SYTL2: variants seen among roughly 807,000 people sequenced by gnomAD.
SYTL2 encodes synaptotagmin-like protein 2.
A neutral mutation model predicts 198.7 loss-of-function variants in SYTL2; 165 were observed. The ratio of observed to expected loss-of-function variants is 0.83; its 90% CI spans 0.73 to 0.94. SYTL2 has a LOEUF of 0.94. Ranked by LOEUF, SYTL2 falls within the 40% of genes least tolerant of loss-of-function variation. The pLI, the probability that SYTL2 is intolerant of heterozygous loss-of-function variation, is 0.00. For missense variants in SYTL2, 2,835 were observed against 2,582.8 expected, an observed-to-expected ratio of 1.10 and a Z score of -2.12; for synonymous variants, 966 against 917.7, an observed-to-expected ratio of 1.05 and a Z score of -0.95.
At chr11:85,736,087 G>C (rs112503418) in intron 6 of SYTL2, among the ~76,000 whole-genome samples, 3 of 152,372 alleles carry the variant, frequency 2.0e-5, no homozygotes, top group African/African-American at 7.2e-5. Context: ...CGGCTGGGCT[G>C]AGAATTACAG....
rs1027567562 is a variant in SYTL2 at position 85,734,186 on chromosome 11, G to A, written c.1143C>T (p.Asp381=). Residue 381 remains aspartate, a synonymous_variant, in exon 7 of 20, where the codon GAC becomes GAT. Coordinates refer to ENST00000359152, the MANE Select transcript of SYTL2 (RefSeq NM_206927.4). ...DAGDTEEFQS[D]PKPSQYRKPS... is the part of the protein sequence containing the mutation. ...GCTTTCTGTATTGAGAAGGCTTAGGGTCACTCTGAAACTCTTCTGTGTCCC... is the reference window on the plus strand; with the variant it reads ...GCTTTCTGTATTGAGAAGGCTTAGGATCACTCTGAAACTCTTCTGTGTCCC... 4 of 1,614,152 alleles carry A rather than the reference G, an allele frequency of 2.5e-6. No individual in the cohort carries two copies. The highest frequency in any genetic ancestry group is 3.4e-6 in the Non-Finnish European group (4 of 1,180,000).
intron 1 of SYTL2, among the ~76,000 whole-genome samples, chr11:85,810,495 G>A (rs2093017378): frequency 6.6e-6 from 1 of 152,132 alleles, no homozygotes. Context: ...TCCAAAACAC[G>A]TCTTATTTTC....
At chr11:85,794,852 T>C (rs1241711816) in intron 1 of SYTL2, among the ~76,000 whole-genome samples, 2 of 151,992 alleles carry the variant, frequency 1.3e-5, no homozygotes, top group Non-Finnish European at 2.9e-5. Context: ...CAGGAATTCA[T>C]GGAAAGTAGA....
rs2089244321 is a variant in SYTL2, at chr11:85,726,774, C to T, written c.2584G>A (p.Asp862Asn). 1 of 1,536,162 alleles carries T rather than the reference C, an allele frequency of 6.5e-7. No individual in the cohort carries two copies. The highest frequency in any genetic ancestry group is 1.2e-5 in the South Asian group (1 of 84,064). Residue 862 changes from aspartate to asparagine, a missense_variant, in exon 8 of 20, where the codon GAT becomes AAT. Physicochemically the swap from Asp to Asn is conservative, Grantham distance 23. Around this residue, in one of 3 missense-constraint regions of SYTL2, gnomAD observed 2,645 missense variants for 2,381.7 expected, o/e 1.11. Transcript: ENST00000359152. ...AIPKRVVLDE[D>N]DQASQLSNSY... ...TTGGAGAGCTGGGATGCTTGATCATCCTCATCTAAGACCACTCGTTTGGGA... is the reference window on the plus strand; with the variant it reads ...TTGGAGAGCTGGGATGCTTGATCATTCTCATCTAAGACCACTCGTTTGGGA...
In SYTL2 at chr11:85,725,485, G is replaced by A. The variant is rs376234818; in HGVS notation, c.3873C>T (p.Cys1291=). 22 of 1,613,796 alleles carry A rather than the reference G, an allele frequency of 1.4e-5. No individual in the cohort carries two copies. Among genetic ancestry groups the A allele is most frequent in the Non-Finnish European group, 1.8e-5 (21 of 1,179,924 alleles). ...GAATCAAATTCTGTGTGCTTAGCTG[G>A]CACTCACCACTTTCAGCTTTCTTGA... ...ALLKKAESGE[C]QLSTQNLIQM... is the part of the protein sequence containing the mutation. Residue 1291 remains cysteine, a synonymous_variant, in exon 8 of 20, where the codon TGC becomes TGT. Transcript: ENST00000359152.
chr11:85,699,233 A>G (rs1296188721), intron 17 of SYTL2, among the ~76,000 whole-genome samples: 1 of 152,228 alleles, frequency 6.6e-6, no homozygotes, highest in Admixed American at 6.5e-5. Flanking sequence ...GTGAGATCTA[A>G]TATAGTTAGG....
At chr11:85,729,009 G>A (rs2089528749) in intron 7 of SYTL2, among the ~76,000 whole-genome samples, 1 of 152,140 alleles carries the variant, frequency 6.6e-6, no homozygotes, top group African/African-American at 2.4e-5. Context: ...TTACATAATG[G>A]TAAAGGGATC....
At chr11:85,799,243 CTT>C (rs1363814032) in intron 1 of SYTL2, among the ~76,000 whole-genome samples, 1 of 152,150 alleles carries the variant, frequency 6.6e-6, no homozygotes, top group Non-Finnish European at 1.5e-5. Context: ...TAGTAAGTCC[CTT>C]TAGTCCCAGC....
intron 1 of SYTL2, among the ~76,000 whole-genome samples, chr11:85,764,276 T>C (rs1191483841): frequency 6.6e-6 from 1 of 152,238 alleles, no homozygotes. Flanking sequence ...CCTCTCATGA[T>C]CTTGGTCATT....
the SYTL2 span, among the ~76,000 whole-genome samples, chr11:85,837,659 G>A: frequency 6.6e-6 from 1 of 152,190 alleles, no homozygotes; most frequent in South Asian, 2.1e-4. Flanking sequence ...AGTGACAGCA[G>A]AACCAGGGTC....
chr11:85,823,098 T>C, the SYTL2 span, among the ~76,000 whole-genome samples: 4 of 152,264 alleles, frequency 2.6e-5, no homozygotes, highest in African/African-American at 4.8e-5. Context: ...CCCTCCTTCA[T>C]TTATTCACTT....
intron 17 of SYTL2, 47 bp from the exon 18 acceptor site, chr11:85,698,125 G>A (rs772125718): frequency 5.4e-6 from 7 of 1,288,490 alleles, no homozygotes; most frequent in East Asian, 2.3e-5. Context: ...GTTCTCCCTT[G>A]GCAATACTGC....
Position 85,726,513 on chromosome 11 carries a change from T to C in SYTL2, c.2845A>G (p.Arg949Gly). 6.2e-7 allele frequency: 1 copy of C among 1,605,358 alleles called. No individual in the cohort carries two copies. Among genetic ancestry groups the C allele is most frequent in the East Asian group, 2.2e-5 (1 of 44,884 alleles). ...SERHAPLEKD[R>G]PLVRESNANF... ...GCATTTGATTCACGAACTAGAGGTC[T>C]GTCTTTCTCCAATGGAGCATGTCGT... The change falls in exon 8 of 20, where the codon AGA (arginine) becomes GGA (glycine). Residue 949 changes from arginine (R) to glycine (G), a missense_variant. Around this residue, in one of 3 missense-constraint regions of SYTL2, gnomAD observed 2,645 missense variants for 2,381.7 expected, o/e 1.11. Coordinates refer to ENST00000359152, the MANE Select transcript of SYTL2 (RefSeq NM_206927.4).
At chr11:85,803,020 G>A (rs1463796812) in intron 1 of SYTL2, among the ~76,000 whole-genome samples, 1 of 152,120 alleles carries the variant, frequency 6.6e-6, no homozygotes, top group Non-Finnish European at 1.5e-5. Flanking sequence ...CCATCACCTT[G>A]TTGGCCACTA....
intron 2 of SYTL2, among the ~76,000 whole-genome samples, chr11:85,755,627 T>C (rs2091820230): frequency 6.6e-6 from 1 of 152,184 alleles, no homozygotes; most frequent in African/African-American, 2.4e-5. Context: ...TAAGGCCTAA[T>C]TTCAGGCAGA....
the SYTL2 span, among the ~76,000 whole-genome samples, chr11:85,851,847 C>G: frequency 6.6e-6 from 1 of 152,200 alleles, no homozygotes; most frequent in African/African-American, 2.4e-5. Flanking sequence ...GTAGCTTTTT[C>G]TCCTGAATTT....
chr11:85,852,142 G>A, the SYTL2 span, among the ~76,000 whole-genome samples: 1 of 152,034 alleles, frequency 6.6e-6, no homozygotes, highest in South Asian at 2.1e-4. Context: ...TTCTTAATAC[G>A]TTATTAATAT....
At chr11:85,740,877 A>G (rs1034566189) in intron 4 of SYTL2, among the ~76,000 whole-genome samples, 3 of 152,368 alleles carry the variant, frequency 2.0e-5, no homozygotes, top group Non-Finnish European at 2.9e-5. Context: ...AAAAGAATAA[A>G]TAACATCAGG....
upstream of SYTL2, among the ~76,000 whole-genome samples, chr11:85,815,356 C>T (rs17148514): frequency 0.24 from 35,882 of 152,072 alleles, 4,498 homozygotes; most frequent in African/African-American, 0.28. Flanking sequence ...ATACCAGTTA[C>T]GTATCAAATG....
Sources: gnomAD v4.1 joint callset for allele counts (sites outside exome capture counted in the v4.1 genomes callset) on GRCh38, gnomAD v4.1.1 for gene constraint, gnomAD v4.1.1 regional missense constraint, MANE v1.5 for transcripts, NCBI Gene and HGNC (gene_info 2026-07-23, HGNC 2026-07-21) for gene names.